The following SLC8A1 variants were observed in gnomAD, a reference collection of about 807,000 sequenced individuals.
SLC8A1 encodes the protein solute carrier family 8 member A1.
Under a neutral mutation model 68.3 loss-of-function variants are expected in SLC8A1, and 18 were observed. The observed-to-expected ratio is 0.26, with a 90% CI of 0.18 to 0.39. The LOEUF is 0.39. Ranked by LOEUF, SLC8A1 falls within the 10% of genes least tolerant of loss-of-function variation. The pLI is 1.00. For missense variants in SLC8A1, 985 were observed against 1,156.7 expected (o/e 0.85, Z 2.15); for synonymous variants, 475 against 415.5 (o/e 1.14, Z -1.74).
chr2:40,217,081 G>A (rs540194490), intron 2 of SLC8A1, among the ~76,000 whole-genome samples: 1 of 150,140 alleles, frequency 6.7e-6, no homozygotes, highest in East Asian at 2.0e-4. Flanking sequence ...CCCATGCCTA[G>A]ATATTGCCTA....
At chr2:40,211,286 T>C (rs1434175980) in intron 2 of SLC8A1, among the ~76,000 whole-genome samples, 2 of 152,222 alleles carry the variant, frequency 1.3e-5, no homozygotes, top group African/African-American at 4.8e-5. Flanking sequence ...AGTTTTCTAA[T>C]GATAGTGGAA....
intron 1 of SLC8A1, among the ~76,000 whole-genome samples, chr2:40,505,915 T>G (rs778965377): frequency 1.3e-5 from 2 of 151,964 alleles, no homozygotes; most frequent in Non-Finnish European, 2.9e-5. Context: ...TGAGTTAGCC[T>G]AATTTCAGTA....
At chr2:40,280,616 TAA>T (rs754402691) in intron 2 of SLC8A1, among the ~76,000 whole-genome samples, 10 of 152,206 alleles carry the variant, frequency 6.6e-5, no homozygotes, top group Non-Finnish European at 1.3e-4. Context: ...AATGCTGAAA[TAA>T]AAGATTGAAT....
chr2:40,484,016 G>A (rs1704799277), intron 1 of SLC8A1, among the ~76,000 whole-genome samples: 1 of 152,174 alleles, frequency 6.6e-6, no homozygotes, highest in Admixed American at 6.5e-5. Flanking sequence ...TCTTTATTGA[G>A]AATGCTGACC....
chr2:40,477,437 C>T (rs1343101840), intron 1 of SLC8A1, among the ~76,000 whole-genome samples: 1 of 152,118 alleles, frequency 6.6e-6, no homozygotes, highest in Non-Finnish European at 1.5e-5. Flanking sequence ...CTCCCTATTT[C>T]TTTGTCCTAC....
chr2:40,175,395 G>T, intron 3 of SLC8A1, 114 bp from the exon 4 acceptor site: 1 of 997,144 alleles, frequency 1.0e-6, no homozygotes, highest in Non-Finnish European at 1.5e-6. Flanking sequence ...GTGGTAGGGA[G>T]CCACTGCTAA....
At chr2:40,291,412 A>G (rs530427805) in intron 2 of SLC8A1, among the ~76,000 whole-genome samples, 1 of 152,290 alleles carries the variant, frequency 6.6e-6, no homozygotes, top group Admixed American at 6.5e-5. Flanking sequence ...CAATAGAAAG[A>G]TAAGTTCCCC....
At chr2:40,466,474 C>T (rs1703682500) in intron 1 of SLC8A1, among the ~76,000 whole-genome samples, 1 of 152,116 alleles carries the variant, frequency 6.6e-6, no homozygotes, top group Non-Finnish European at 1.5e-5. Flanking sequence ...AGCTGCCTGC[C>T]ATAAGTCTGA....
intron 2 of SLC8A1, among the ~76,000 whole-genome samples, chr2:40,408,069 G>A (rs933534607): frequency 6.6e-6 from 1 of 152,142 alleles, no homozygotes; most frequent in African/African-American, 2.4e-5. Context: ...TAATCTTCCA[G>A]CATGCCAGAA....
chr2:40,288,998 G>T lies in SLC8A1; in HGVS notation c.1809-111143C>A, dbSNP rs181101684. ...GTTGGGATTAGGCGTGAGCCACTGG[G>T]CCAAAATGACCATATCTTTTGACTG... On this transcript the variant is annotated intron_variant, in intron 2 of 7. Transcript: ENST00000406785. 9.2e-5 allele frequency among the ~76,000 whole-genome samples: 14 copies of T among 151,462 alleles called. 1 individual carries two copies. The East Asian group carries it at 2.7e-3, about 29-fold the overall frequency.
chr2:40,397,280 A>T (rs1234907682), intron 2 of SLC8A1, among the ~76,000 whole-genome samples: 8 of 152,098 alleles, frequency 5.3e-5, no homozygotes, highest in Admixed American at 5.2e-4. Context: ...GTGCCCATTG[A>T]TGGTTTAGCT....
intron 2 of SLC8A1, among the ~76,000 whole-genome samples, chr2:40,284,961 T>A (rs1487130487): frequency 6.6e-6 from 1 of 152,092 alleles, no homozygotes; most frequent in Non-Finnish European, 1.5e-5. Flanking sequence ...GATACTCTAG[T>A]TTTATAACCA....
At chr2:40,233,561 A>T (rs2059966335) in intron 2 of SLC8A1, among the ~76,000 whole-genome samples, 1 of 134,076 alleles carries the variant, frequency 7.5e-6, no homozygotes, top group African/African-American at 2.8e-5. Flanking sequence ...GTTCTCTCTG[A>T]CGGTAGTTTC....
intron 2 of SLC8A1, among the ~76,000 whole-genome samples, chr2:40,377,001 C>T (rs1680114467): frequency 6.6e-6 from 1 of 152,022 alleles, no homozygotes; most frequent in Non-Finnish European, 1.5e-5. Flanking sequence ...CAACTTGCTT[C>T]TTATGAATAG....
At chr2:40,301,938 C>T (rs1473394949) in intron 2 of SLC8A1, among the ~76,000 whole-genome samples, 2 of 152,010 alleles carry the variant, frequency 1.3e-5, no homozygotes, top group Admixed American at 1.3e-4. Context: ...TCGCAGCTCA[C>T]TGCAACCTCT....
At chr2:40,178,730 T>G (rs539039395) in intron 2 of SLC8A1, among the ~76,000 whole-genome samples, 2 of 152,298 alleles carry the variant, frequency 1.3e-5, no homozygotes, top group East Asian at 3.9e-4. Flanking sequence ...AGGCAAAATA[T>G]AGCATTCAGT....
chr2:40,343,352 A>T (rs1668293766), intron 2 of SLC8A1, among the ~76,000 whole-genome samples: 1 of 152,164 alleles, frequency 6.6e-6, no homozygotes, highest in Non-Finnish European at 1.5e-5. Flanking sequence ...TCAAGTTGTC[A>T]GTAACTCTTT....
chr2:40,181,308 T>G (rs781628700), intron 2 of SLC8A1, among the ~76,000 whole-genome samples: 3 of 152,218 alleles, frequency 2.0e-5, no homozygotes, highest in Non-Finnish European at 2.9e-5. Flanking sequence ...CACAGTTATA[T>G]AGCTCCACAC....
chr2:40,323,871 A>G (rs2075500888), intron 2 of SLC8A1, among the ~76,000 whole-genome samples: 1 of 152,190 alleles, frequency 6.6e-6, no homozygotes, highest in Admixed American at 6.6e-5. Flanking sequence ...ATAGGAAACT[A>G]GTATGAGAAA....
Sources: allele counts gnomAD v4.1 joint callset (sites outside exome capture counted in the v4.1 genomes callset), GRCh38; gene constraint gnomAD v4.1.1; transcripts MANE v1.5; gene names NCBI Gene and HGNC (gene_info 2026-07-23, HGNC 2026-07-21).